Variants in MYO18B observed in about 807,000 individuals in gnomAD.
MYO18B encodes the protein unconventional myosin-XVIIIb.
In MYO18B, 204 loss-of-function variants were observed where a neutral mutation model predicts 273.0. That is an observed-to-expected ratio of 0.75 (90% CI 0.67 to 0.84). The LOEUF (loss-of-function observed/expected upper bound fraction) is 0.84. MYO18B is among the 40% of genes least tolerant of loss of function. The probability of loss-of-function intolerance (pLI) is 0.00; values close to 1 mark genes in which losing one functional copy is unlikely to be tolerated. For missense variants in MYO18B, 3,212 were observed against 3,287.6 expected, an observed-to-expected ratio of 0.98 and a Z score of 0.56; for synonymous variants, 1,330 against 1,305.7, an observed-to-expected ratio of 1.02 and a Z score of -0.40.
chr22:25,920,129 C>A (rs2092320510), intron 33 of MYO18B, among the ~76,000 whole-genome samples: 1 of 152,154 alleles, frequency 6.6e-6, no homozygotes, highest in African/African-American at 2.4e-5. Context: ...CCAGGACATT[C>A]TGAGCATCCC....
chr22:25,829,908 A>C (rs2145923879), intron 15 of MYO18B, among the ~76,000 whole-genome samples: 1 of 152,170 alleles, frequency 6.6e-6, no homozygotes, highest in African/African-American at 2.4e-5. Flanking sequence ...CATAAACCAG[A>C]AGCATATAGC....
At position 25,772,363 on chromosome 22, in the gene MYO18B, G is replaced by A; in HGVS notation, c.1722G>A (p.Glu574=). 3.7e-6 allele frequency: 6 copies of A among 1,613,940 alleles called. No individual in the cohort carries two copies. The highest frequency in any genetic ancestry group is 5.1e-6 in the Non-Finnish European group (6 of 1,179,874). ...RANPPELDQV[E]DLASLISVNE... Reference sequence around the variant, plus strand: ...ACCCTCCTGAGCTGGACCAGGTCGAGGACCTGGCCTCTCTCATCAGTGTCA... The same window carrying A: ...ACCCTCCTGAGCTGGACCAGGTCGAAGACCTGGCCTCTCTCATCAGTGTCA... The change falls in exon 7 of 44, where the codon GAG becomes GAA. Residue 574 remains glutamate (E), a synonymous_variant. Transcript: ENST00000335473.
intron 15 of MYO18B, among the ~76,000 whole-genome samples, chr22:25,831,540 GC>G (rs1349628656): frequency 6.6e-6 from 1 of 152,066 alleles, no homozygotes; most frequent in Non-Finnish European, 1.5e-5. Context: ...CTGCCACCAC[GC>G]CTGGCTAATT....
chr22:25,900,810 T>A (rs947392895), intron 29 of MYO18B: 1 of 152,140 alleles, frequency 6.6e-6, no homozygotes, highest in African/African-American at 2.4e-5. Context: ...TACTGTCTGG[T>A]CCCTACTGTC....
chr22:25,808,364 G>A (rs1039693358), intron 12 of MYO18B, among the ~76,000 whole-genome samples: 1 of 152,188 alleles, frequency 6.6e-6, no homozygotes, highest in Non-Finnish European at 1.5e-5. Context: ...ACCCTGACAG[G>A]TAGGGAAGGA....
intron 36 of MYO18B, among the ~76,000 whole-genome samples, chr22:25,948,707 A>G (rs569114730): frequency 5.5e-4 from 84 of 151,830 alleles, no homozygotes; most frequent in Non-Finnish European, 1.0e-3. Context: ...TCCCATTCCC[A>G]CCTTCATGTA....
At chr22:25,907,197 T>C (rs1225529977) in intron 31 of MYO18B, among the ~76,000 whole-genome samples, 6 of 152,252 alleles carry the variant, frequency 3.9e-5, no homozygotes, top group Non-Finnish European at 1.5e-5. Flanking sequence ...AGCCAGGGCT[T>C]GGGCCAATCT....
At chr22:25,747,899 G>A (rs1386860839) in intron 1 of MYO18B, among the ~76,000 whole-genome samples, 2 of 152,122 alleles carry the variant, frequency 1.3e-5, no homozygotes, top group Admixed American at 6.6e-5. Context: ...CAGAGGAGTT[G>A]GTGACCTGAG....
At chr22:25,860,990 G>A (rs1013335002) in intron 21 of MYO18B, among the ~76,000 whole-genome samples, 1 of 151,992 alleles carries the variant, frequency 6.6e-6, no homozygotes. Context: ...CTGGGCTCAA[G>A]CGATCCTCCT....
At chr22:25,845,378 C>T (rs150209501) in intron 18 of MYO18B, among the ~76,000 whole-genome samples, 1,910 of 152,214 alleles carry the variant, frequency 0.013, 35 homozygotes, top group African/African-American at 0.043. Context: ...TTAGCTGGGC[C>T]TGGTGGCGTG....
At chr22:25,970,538 A>G (rs553788455) in intron 39 of MYO18B, among the ~76,000 whole-genome samples, 2 of 151,882 alleles carry the variant, frequency 1.3e-5, no homozygotes, top group African/African-American at 2.4e-5. Flanking sequence ...GCTGCATGTC[A>G]CCTCTGCCGC....
At chr22:26,060,610 C>CACACAT in the MYO18B span, among the ~76,000 whole-genome samples, 1 of 152,128 alleles carries the variant, frequency 6.6e-6, no homozygotes, top group African/African-American at 2.4e-5. Flanking sequence ...GATATGTATA[C>CACACAT]ACACATACAC....
downstream of MYO18B, among the ~76,000 whole-genome samples, chr22:26,035,454 C>A (rs1478423233): frequency 6.6e-6 from 1 of 152,160 alleles, no homozygotes; most frequent in Non-Finnish European, 1.5e-5. Context: ...TTGGGGCTGG[C>A]AGTGGTGATG....
chr22:25,995,340 C>G (rs953162207), intron 40 of MYO18B, among the ~76,000 whole-genome samples: 7 of 152,070 alleles, frequency 4.6e-5, no homozygotes, highest in African/African-American at 1.7e-4. Flanking sequence ...AATAGCACAG[C>G]AGGATGACTG....
chr22:25,920,570 C>T (rs531852232), intron 33 of MYO18B, among the ~76,000 whole-genome samples: 4 of 152,306 alleles, frequency 2.6e-5, no homozygotes, highest in East Asian at 1.9e-4. Context: ...ATGTACTCAC[C>T]TCTGGGTAAG....
At position 25,950,360 on chromosome 22, in the gene MYO18B, TCACCAG is replaced by T; in HGVS notation, c.5749-6_5749-1del. 1 of 1,583,284 alleles carries T rather than the reference TCACCAG, an allele frequency of 6.3e-7. No individual in the cohort carries two copies. Among genetic ancestry groups the T allele is most frequent in the African/African-American group, 1.4e-5 (1 of 73,574 alleles). On this transcript the variant is annotated splice_acceptor_variant and splice_polypyrimidine_tract_variant and intron_variant, in intron 36 of 43. Coordinates refer to ENST00000335473, the MANE Select transcript of MYO18B (RefSeq NM_032608.7). LOFTEE classifies it high-confidence loss of function. ...ATATATATACATTTTTTTTTTTGTC[TCACCAG>T]TCTGCTGCTGACATTGGGCAGATCC...
chr22:25,761,512 G>C (rs1053209837), intron 2 of MYO18B, among the ~76,000 whole-genome samples: 33 of 152,156 alleles, frequency 2.2e-4, no homozygotes, highest in Non-Finnish European at 5.9e-5. Context: ...TCAGCTGCCA[G>C]GTTTATGCCA....
At position 25,849,887 on chromosome 22, in the gene MYO18B, G is replaced by A. The variant is rs569673546; in HGVS notation, c.3776-1583G>A. Among the ~76,000 whole-genome samples the A allele has an allele frequency of 7.2e-5, 11 of 152,306 alleles. No homozygotes were observed. In the East Asian group the frequency reaches 1.5e-3, roughly 21 times the overall value. ...AGCCACTTTTACTATAATTGTCATC[G>A]CATTTAATCCTCATAGTGACCATGT... On this transcript the variant is annotated intron_variant, in intron 20 of 43. Coordinates refer to ENST00000335473, the MANE Select transcript of MYO18B (RefSeq NM_032608.7).
chr22:25,869,449 C>CAAAAAAAAAAAAAAAAAAAAAAA (rs58609325), intron 22 of MYO18B, among the ~76,000 whole-genome samples: 1 of 58,120 alleles, frequency 1.7e-5, no homozygotes, highest in Non-Finnish European at 3.0e-5. Flanking sequence ...TACTGTGTCT[C>CAAAAAAAAAAAAAAAAAAAAAAA]AAAAAAAAAA....
Sources: gnomAD v4.1 joint callset for allele counts (sites outside exome capture counted in the v4.1 genomes callset) on GRCh38, gnomAD v4.1.1 for gene constraint, MANE v1.5 for transcripts, NCBI Gene and HGNC (gene_info 2026-07-23, HGNC 2026-07-21) for gene names.